The following ADAMTS20 variants were observed in gnomAD, a reference collection of about 807,000 sequenced individuals.
ADAMTS20 encodes the protein ADAM metallopeptidase with thrombospondin type 1 motif 20.
A neutral mutation model predicts 260.1 loss-of-function variants in ADAMTS20; 225 were observed. The observed-to-expected ratio is 0.87, with a 90% CI of 0.78 to 0.97. The LOEUF (loss-of-function observed/expected upper bound fraction) is 0.97. Ranked by LOEUF, ADAMTS20 falls within the 50% of genes least tolerant of loss-of-function variation. The pLI is 0.00. For synonymous variants in ADAMTS20, 802 were observed against 769.5 expected, an observed-to-expected ratio of 1.04 and a Z score of -0.70; for missense variants, 2,400 against 2,337.7, an observed-to-expected ratio of 1.03 and a Z score of -0.55.
chr12:43,449,819 G>T (rs1255410671), intron 14 of ADAMTS20, among the ~76,000 whole-genome samples: 1 of 151,996 alleles, frequency 6.6e-6, no homozygotes, highest in African/African-American at 2.4e-5. Context: ...GTTTATTAAA[G>T]GGTCATCCAC....
intron 28 of ADAMTS20, among the ~76,000 whole-genome samples, chr12:43,403,387 GT>G (rs1055624421): frequency 3.3e-5 from 5 of 150,710 alleles, no homozygotes; most frequent in East Asian, 1.9e-4. Flanking sequence ...TGGAAGCCTT[GT>G]TTTTTTTTAG....
chr12:43,488,660 A>G (rs957473519), intron 7 of ADAMTS20, among the ~76,000 whole-genome samples: 1 of 152,188 alleles, frequency 6.6e-6, no homozygotes, highest in African/African-American at 2.4e-5. Context: ...ACAGCAGCAC[A>G]TTGTGCTTGG....
At chr12:43,390,651 C>G (rs1211243645) in intron 29 of ADAMTS20, among the ~76,000 whole-genome samples, 1 of 152,146 alleles carries the variant, frequency 6.6e-6, no homozygotes, top group African/African-American at 2.4e-5. Flanking sequence ...TTTTTTGCCA[C>G]TTTCGAGCAA....
rs140718211 is a variant in ADAMTS20 at position 43,535,339 on chromosome 12, A to T, written c.454-3144T>A. Among the ~76,000 whole-genome samples, 1,021 of 152,258 alleles carry T rather than the reference A, an allele frequency of 6.7e-3. 16 individuals carry two copies. Among genetic ancestry groups the T allele is most frequent in the African/African-American group, 0.024 (999 of 41,540 alleles). ...GCAAGCTCAGTTTATGTTAAGCAAA[A>T]GTAGGGCATAAATTTGAAAACTTAG... On this transcript the variant is annotated intron_variant, in intron 2 of 38. Transcript: ENST00000389420.
chr12:43,492,008 T>C (rs1457548738), intron 6 of ADAMTS20, among the ~76,000 whole-genome samples: 1 of 152,212 alleles, frequency 6.6e-6, no homozygotes, highest in Non-Finnish European at 1.5e-5. Context: ...TTTGAAAGAA[T>C]AGAAGAATGC....
intron 7 of ADAMTS20, among the ~76,000 whole-genome samples, chr12:43,488,999 CA>C (rs1942563208): frequency 6.6e-6 from 1 of 151,914 alleles, no homozygotes; most frequent in African/African-American, 2.4e-5. Flanking sequence ...ATTGTACGTG[CA>C]ATGTAACAGC....
chr12:43,501,475 GCGCGCGCA>G (rs748112595), intron 4 of ADAMTS20, among the ~76,000 whole-genome samples: 2 of 59,116 alleles, frequency 3.4e-5, no homozygotes, highest in Admixed American at 1.8e-4. Flanking sequence ...GCGCGCGCGC[GCGCGCGCA>G]CACACACACA....
intron 3 of ADAMTS20, among the ~76,000 whole-genome samples, chr12:43,522,508 G>C (rs745714770): frequency 2.0e-5 from 3 of 152,186 alleles, no homozygotes; most frequent in Non-Finnish European, 4.4e-5. Flanking sequence ...ACTGAGATGA[G>C]AGGGACAGAG....
At chr12:43,523,484 G>A (rs1194141894) in intron 3 of ADAMTS20, among the ~76,000 whole-genome samples, 3 of 152,190 alleles carry the variant, frequency 2.0e-5, no homozygotes, top group Non-Finnish European at 2.9e-5. Context: ...AGTGGAAAGA[G>A]TGCAGGAGTT....
intron 28 of ADAMTS20, among the ~76,000 whole-genome samples, chr12:43,419,892 A>G (rs1034426405): frequency 2.6e-5 from 4 of 152,180 alleles, no homozygotes; most frequent in Non-Finnish European, 5.9e-5. Flanking sequence ...GACAAACTAT[A>G]CATCCATCTA....
intron 28 of ADAMTS20, among the ~76,000 whole-genome samples, chr12:43,413,147 C>A (rs1019997052): frequency 6.6e-6 from 1 of 152,054 alleles, no homozygotes; most frequent in African/African-American, 2.4e-5. Flanking sequence ...TATAAATTTT[C>A]TTTTATTCTT....
At chr12:43,541,883 G>A (rs1393413756) in intron 2 of ADAMTS20, among the ~76,000 whole-genome samples, 1 of 152,022 alleles carries the variant, frequency 6.6e-6, no homozygotes, top group East Asian at 1.9e-4. Flanking sequence ...ACAATAAAAG[G>A]GAAATAAATA....
At position 43,493,143 on chromosome 12, in the gene ADAMTS20, G is replaced by T. The variant is rs773640566; in HGVS notation, c.951+27C>A. The T allele has an allele frequency of 4.2e-6, 6 of 1,444,894 alleles. No individual in the cohort carries two copies. The East Asian group carries it at 1.5e-4, about 35-fold the overall frequency. The allele number at this position is 1,444,894 out of a possible 1,614,324, so 89.5% of individuals were successfully genotyped here. On this transcript the variant is annotated intron_variant, in intron 5 of 38. Coordinates refer to ENST00000389420, the MANE Select transcript of ADAMTS20 (RefSeq NM_025003.5). The stretch of plus-strand genomic sequence containing the variant: ...TCACTAAAAACTTACTACAACTAAG[G>T]TTACTAATTTTAGACCTGTTTCTTA...
At chr12:43,510,931 G>T (rs765904588) in intron 3 of ADAMTS20, among the ~76,000 whole-genome samples, 5 of 152,030 alleles carry the variant, frequency 3.3e-5, no homozygotes, top group Non-Finnish European at 7.4e-5. Context: ...ATGCAAAGCT[G>T]AATTCATCAT....
chr12:43,528,468 T>C (rs2137497310), intron 3 of ADAMTS20, among the ~76,000 whole-genome samples: 1 of 147,770 alleles, frequency 6.8e-6, no homozygotes, highest in African/African-American at 2.5e-5. Flanking sequence ...AGTAGGCACA[T>C]AGACCAATGG....
At position 43,464,721 on chromosome 12, in the gene ADAMTS20, C is replaced by A. The variant is rs2137378548; in HGVS notation, c.1379G>T (p.Gly460Val). ...ATCTGGTTTGTCAAGAAGACATTCCCCGTAACCAGTACTGTAACAGTGACA... is the reference window on the plus strand; with the variant it reads ...ATCTGGTTTGTCAAGAAGACATTCCACGTAACCAGTACTGTAACAGTGACA... ...YVTEFLDTGY[G>V]ECLLDKPDEE... is the part of the protein sequence containing the mutation. Residue 460 changes from glycine (G) to valine (V), a missense_variant, in exon 10 of 39, where the codon GGG becomes GTG. Coordinates refer to ENST00000389420, the MANE Select transcript of ADAMTS20 (RefSeq NM_025003.5). The A allele has an allele frequency of 6.2e-7, 1 of 1,612,550 alleles. No individual in the cohort carries two copies. Among genetic ancestry groups the A allele is most frequent in the Non-Finnish European group, 8.5e-7 (1 of 1,179,122 alleles).
intron 28 of ADAMTS20, 116 bp from the exon 29 acceptor site, chr12:43,399,349 G>T: frequency 1.1e-6 from 1 of 918,674 alleles, no homozygotes; most frequent in Non-Finnish European, 1.5e-6. Flanking sequence ...TTTTTATGAA[G>T]ATATGCTCTA....
Position 43,369,341 on chromosome 12 carries a change from T to C in ADAMTS20, c.5487A>G (p.Ala1829=), listed in dbSNP as rs113786445. 391 of 1,567,546 alleles carry C rather than the reference T, an allele frequency of 2.5e-4. 5 individuals carry two copies. In the African/African-American group the frequency reaches 4.9e-3, roughly 20 times the overall value. ...AATCTCCAGCTGTGGCAAATGGAAC[T>C]GCATTTCCAAATATTGTTTTGGAAA... ...LLFSKTIFGN[A]VPFATAGDCY... Residue 1829 remains alanine, a synonymous_variant, in exon 37 of 39, where the codon GCA becomes GCG. Coordinates refer to ENST00000389420, the MANE Select transcript of ADAMTS20 (RefSeq NM_025003.5).
At chr12:43,360,089 A>G (rs1939833893) in intron 37 of ADAMTS20, among the ~76,000 whole-genome samples, 1 of 152,170 alleles carries the variant, frequency 6.6e-6, no homozygotes, top group African/African-American at 2.4e-5. Context: ...AGAACATATA[A>G]AAAAACTCAA....
Sources: gnomAD v4.1 joint callset for allele counts (sites outside exome capture counted in the v4.1 genomes callset) on GRCh38, gnomAD v4.1.1 for gene constraint, MANE v1.5 for transcripts, NCBI Gene and HGNC (gene_info 2026-07-23, HGNC 2026-07-21) for gene names.